Variants in SUMF1 observed in about 807,000 individuals in gnomAD.
The protein encoded by SUMF1 is formylglycine-generating enzyme.
Under a neutral mutation model 47.6 loss-of-function variants are expected in SUMF1, and 48 were observed. The observed-to-expected ratio is 1.01, with a 90% CI of 0.80 to 1.28. The LOEUF is 1.28. Ranked by LOEUF, SUMF1 falls within the 50% of genes most tolerant of loss-of-function variation. The pLI, the probability that SUMF1 is intolerant of heterozygous loss-of-function variation, is 0.00. For missense variants in SUMF1, 571 were observed against 485.4 expected (o/e 1.18, Z -1.66); for synonymous variants, 230 against 192.1 (o/e 1.20, Z -1.63).
intron 8 of SUMF1, among the ~76,000 whole-genome samples, chr3:4,347,069 A>C (rs998330949): frequency 3.9e-5 from 6 of 152,220 alleles, no homozygotes; most frequent in Admixed American, 3.9e-4. Flanking sequence ...AAAGCCCAGG[A>C]CCAGACAGAT....
chr3:4,341,118 C>T (rs1188608994), intron 8 of SUMF1, among the ~76,000 whole-genome samples: 1 of 151,858 alleles, frequency 6.6e-6, no homozygotes, highest in Non-Finnish European at 1.5e-5. Flanking sequence ...TGTCTGTATC[C>T]CCCAAAAAGT....
chr3:4,428,616 A>T (rs1197021854), intron 3 of SUMF1, among the ~76,000 whole-genome samples: 2 of 152,158 alleles, frequency 1.3e-5, no homozygotes, highest in African/African-American at 4.8e-5. Context: ...AGCCTCCCAA[A>T]GTGCTGGGAT....
chr3:4,148,409 T>G lies in SUMF1; in HGVS notation c.1015-79664A>C, dbSNP rs11717939. Among the ~76,000 whole-genome samples, 302 of 152,272 alleles carry G rather than the reference T, an allele frequency of 2.0e-3. 1 individual carries two copies. The highest frequency in any genetic ancestry group is 3.2e-3 in the Non-Finnish European group (221 of 68,012). ...GCAATAGTAATCTTCTGGGTCAAAG[T>G]GCTTAGGCAGATGAGCTATTTCCTC... is the stretch of plus-strand genomic sequence containing the variant. On this transcript the variant is annotated intron_variant and NMD_transcript_variant, in intron 8 of 12. Coordinates refer to the SUMF1 transcript ENST00000448413.
At chr3:4,205,911 A>T (rs1471385427) in intron 8 of SUMF1, among the ~76,000 whole-genome samples, 1 of 152,130 alleles carries the variant, frequency 6.6e-6, no homozygotes, top group Non-Finnish European at 1.5e-5. Context: ...CCCAAGACCC[A>T]TGTTAACTAC....
At chr3:4,252,945 A>G (rs771396664) in intron 8 of SUMF1, among the ~76,000 whole-genome samples, 2 of 152,124 alleles carry the variant, frequency 1.3e-5, no homozygotes, top group African/African-American at 2.4e-5. Context: ...CTAACTCATT[A>G]CTCTCATCAA....
intron 8 of SUMF1, among the ~76,000 whole-genome samples, chr3:4,188,179 CT>C (rs112944580): frequency 0.34 from 48,643 of 144,388 alleles, 7,971 homozygotes; most frequent in East Asian, 0.4. Flanking sequence ...TTAGGGTTCA[CT>C]TTTTTTTTTT....
At chr3:4,239,199 C>G (rs1399711464) in intron 8 of SUMF1, among the ~76,000 whole-genome samples, 1 of 152,086 alleles carries the variant, frequency 6.6e-6, no homozygotes, top group Non-Finnish European at 1.5e-5. Flanking sequence ...AGTTTGAAGC[C>G]AGGTAGTGTG....
chr3:4,112,361 C>G (rs1293780680), intron 8 of SUMF1, among the ~76,000 whole-genome samples: 4 of 152,084 alleles, frequency 2.6e-5, no homozygotes, highest in African/African-American at 4.8e-5. Flanking sequence ...TTCATTTATA[C>G]CTTAGCATTA....
At chr3:4,383,009 T>A (rs778698542) in intron 7 of SUMF1, among the ~76,000 whole-genome samples, 4 of 151,860 alleles carry the variant, frequency 2.6e-5, no homozygotes, top group Non-Finnish European at 5.9e-5. Context: ...CCATGGCACG[T>A]GTATACCTAA....
intron 8 of SUMF1, among the ~76,000 whole-genome samples, chr3:4,223,449 G>C (rs1453316098): frequency 6.6e-6 from 1 of 152,136 alleles, no homozygotes; most frequent in African/African-American, 2.4e-5. Context: ...GCTCAGAACA[G>C]TGCCTGGAGC....
chr3:4,147,330 A>G (rs1344575828), intron 8 of SUMF1, among the ~76,000 whole-genome samples: 1 of 152,166 alleles, frequency 6.6e-6, no homozygotes, highest in East Asian at 1.9e-4. Flanking sequence ...TACCCAAAGG[A>G]TTATAAAACA....
intron 8 of SUMF1, among the ~76,000 whole-genome samples, chr3:4,083,921 C>T (rs1692619395): frequency 6.6e-6 from 1 of 150,552 alleles, no homozygotes. Flanking sequence ...TCTGAGTGGT[C>T]GGTTTGGGGA....
chr3:4,448,219 T>C (rs998827945), intron 3 of SUMF1, among the ~76,000 whole-genome samples: 1 of 152,170 alleles, frequency 6.6e-6, no homozygotes, highest in African/African-American at 2.4e-5. Context: ...AAGTCTTGTT[T>C]TACCTCACCG....
At chr3:4,126,857 T>C (rs115689621) in intron 8 of SUMF1, among the ~76,000 whole-genome samples, 266 of 152,316 alleles carry the variant, frequency 1.7e-3, no homozygotes, top group African/African-American at 6.0e-3. Context: ...GCAGTAGTCT[T>C]ACCTACTTTC....
At chr3:4,313,824 C>T in intron 8 of SUMF1, 1 of 1,601,382 alleles carries the variant, frequency 6.2e-7, no homozygotes, top group Admixed American at 1.7e-5. Context: ...GGTTGGCTAG[C>T]TTTACCTCTG....
chr3:4,332,094 A>T (rs751938698), intron 8 of SUMF1, among the ~76,000 whole-genome samples: 2 of 151,688 alleles, frequency 1.3e-5, no homozygotes, highest in Non-Finnish European at 2.9e-5. Context: ...TTTTTGTGAT[A>T]ACACATTTGA....
At chr3:4,393,787 T>C (rs1027190653) in intron 7 of SUMF1, among the ~76,000 whole-genome samples, 3 of 152,156 alleles carry the variant, frequency 2.0e-5, no homozygotes, top group African/African-American at 7.2e-5. Context: ...CACTTCTCAA[T>C]TTATCACCTC....
intron 1 of SUMF1, among the ~76,000 whole-genome samples, chr3:4,466,126 T>C (rs949123581): frequency 6.6e-6 from 1 of 152,126 alleles, no homozygotes; most frequent in African/African-American, 2.4e-5. Context: ...TCTTTTTTTT[T>C]TTCGAGACGG....
chr3:4,199,434 T>A (rs1695496073), intron 8 of SUMF1, among the ~76,000 whole-genome samples: 1 of 152,142 alleles, frequency 6.6e-6, no homozygotes, highest in Non-Finnish European at 1.5e-5. Flanking sequence ...AGATGAACAT[T>A]CAGATACAAG....
Sources: allele counts gnomAD v4.1 joint callset (sites outside exome capture counted in the v4.1 genomes callset), GRCh38; gene constraint gnomAD v4.1.1; transcripts MANE v1.5; gene names NCBI Gene and HGNC (gene_info 2026-07-23, HGNC 2026-07-21).